The following CEP85L variants were observed in gnomAD, a reference collection of about 807,000 sequenced individuals.
CEP85L encodes centrosomal protein of 85 kDa-like.
Under a neutral mutation model 100.3 loss-of-function variants are expected in CEP85L, and 60 were observed. The observed-to-expected ratio is 0.60, with a 90% CI of 0.49 to 0.74. The LOEUF is 0.74. CEP85L is among the 30% of genes least tolerant of loss of function. The pLI is 0.00. For missense variants in CEP85L, 973 were observed against 936.2 expected, an observed-to-expected ratio of 1.04 and a Z score of -0.51; for synonymous variants, 319 against 322.7, an observed-to-expected ratio of 0.99 and a Z score of 0.12.
intron 1 of CEP85L, among the ~76,000 whole-genome samples, chr6:118,700,602 T>C (rs1777374781): frequency 6.6e-6 from 1 of 152,198 alleles, no homozygotes; most frequent in South Asian, 2.1e-4. Context: ...CATCTTCTGC[T>C]CTTGAATTTG....
intron 2 of CEP85L, among the ~76,000 whole-genome samples, chr6:118,567,008 G>A (rs1779547922): frequency 6.6e-6 from 1 of 151,732 alleles, no homozygotes. Context: ...TCAGAAAAAT[G>A]GTATTTTTCA....
chr6:118,658,761 G>A (rs1306231689), intron 1 of CEP85L, among the ~76,000 whole-genome samples: 3 of 152,012 alleles, frequency 2.0e-5, no homozygotes, highest in Non-Finnish European at 4.4e-5. Flanking sequence ...AATATTTTAA[G>A]TTGACATTTA....
intron 1 of CEP85L, among the ~76,000 whole-genome samples, chr6:118,708,749 G>T (rs945229368): frequency 6.6e-6 from 1 of 152,078 alleles, no homozygotes; most frequent in African/African-American, 2.4e-5. Flanking sequence ...ATTTTTCCTT[G>T]AATAGACTTT....
At chr6:118,639,267 TC>T (rs1381221027) in intron 1 of CEP85L, among the ~76,000 whole-genome samples, 6 of 152,198 alleles carry the variant, frequency 3.9e-5, no homozygotes, top group African/African-American at 1.4e-4. Flanking sequence ...CTGGAATAAC[TC>T]CACTCAAGCC....
chr6:118,652,874 G>A, upstream of CEP85L: 1 of 707,702 alleles, frequency 1.4e-6, no homozygotes, highest in Non-Finnish European at 2.3e-6. Flanking sequence ...TTATTTTAAT[G>A]TGCACTAGCT....
At chr6:118,639,381 C>T (rs1774719386) in intron 1 of CEP85L, among the ~76,000 whole-genome samples, 1 of 152,156 alleles carries the variant, frequency 6.6e-6, no homozygotes. Flanking sequence ...ATTCAAACTC[C>T]TTAAGTTAGG....
intron 6 of CEP85L, among the ~76,000 whole-genome samples, chr6:118,487,314 T>C (rs886270396): frequency 3.3e-5 from 5 of 152,176 alleles, no homozygotes; most frequent in African/African-American, 1.2e-4. Flanking sequence ...TATGGATATA[T>C]AATTAGGCAA....
intron 2 of CEP85L, among the ~76,000 whole-genome samples, chr6:118,603,871 G>A (rs373242082): frequency 1.7e-4 from 26 of 152,316 alleles, no homozygotes; most frequent in African/African-American, 6.0e-4. Flanking sequence ...GACAACAATT[G>A]TCTGTGGATA....
chr6:118,642,093 CAT>C (rs1395724683), intron 1 of CEP85L, among the ~76,000 whole-genome samples: 1 of 151,978 alleles, frequency 6.6e-6, no homozygotes, highest in African/African-American at 2.4e-5. Context: ...ATGATGCATC[CAT>C]ATATCAGAAA....
chr6:118,568,577 GC>G (rs1359352788), intron 2 of CEP85L, among the ~76,000 whole-genome samples: 6 of 152,204 alleles, frequency 3.9e-5, no homozygotes. Context: ...TAAGTAAAGA[GC>G]CTGGCCTTCA....
At chr6:118,505,409 C>CAAAAAA (rs56893664) in intron 5 of CEP85L, among the ~76,000 whole-genome samples, 4,399 of 71,460 alleles carry the variant, frequency 0.062, 734 homozygotes, top group Middle Eastern at 0.12. Flanking sequence ...TCACTGTACT[C>CAAAAAA]AAAAAAAAAA....
At chr6:118,645,765 T>G (rs992969061) in intron 1 of CEP85L, among the ~76,000 whole-genome samples, 1 of 152,260 alleles carries the variant, frequency 6.6e-6, no homozygotes, top group Non-Finnish European at 1.5e-5. Context: ...TTATCTTTCT[T>G]GTTCAATGAT....
chr6:118,548,736 T>C (rs747544695), intron 3 of CEP85L, among the ~76,000 whole-genome samples: 2 of 152,096 alleles, frequency 1.3e-5, no homozygotes, highest in African/African-American at 2.4e-5. Flanking sequence ...TAGTAGTGGT[T>C]AATTTCTCCA....
At chr6:118,652,609 G>T, upstream of CEP85L, 1 of 1,505,868 alleles carries the variant, frequency 6.6e-7, no homozygotes, top group Non-Finnish European at 8.9e-7. Context: ...CCTCATATTT[G>T]CATTTTTCCC....
chr6:118,541,382 G>A (rs1777896595), intron 3 of CEP85L, among the ~76,000 whole-genome samples: 1 of 152,182 alleles, frequency 6.6e-6, no homozygotes, highest in South Asian at 2.1e-4. Flanking sequence ...TCTCAGTAGC[G>A]TAATTAAGTT....
intron 2 of CEP85L, among the ~76,000 whole-genome samples, chr6:118,593,992 G>T (rs911542184): frequency 4.6e-5 from 7 of 152,122 alleles, no homozygotes; most frequent in Non-Finnish European, 7.4e-5. Context: ...ATTTCTGCCA[G>T]GAGTCTTTTC....
chr6:118,637,501 C>T (rs1774572470), intron 1 of CEP85L, among the ~76,000 whole-genome samples: 2 of 150,050 alleles, frequency 1.3e-5, no homozygotes, highest in Non-Finnish European at 1.5e-5. Flanking sequence ...AGTTTAAGAC[C>T]AGCCTGGAAA....
At chr6:118,619,262 T>C (rs1486679436) in intron 2 of CEP85L, among the ~76,000 whole-genome samples, 1 of 152,102 alleles carries the variant, frequency 6.6e-6, no homozygotes, top group Non-Finnish European at 1.5e-5. Flanking sequence ...CGACTGATTG[T>C]CTTCTGTACC....
intron 2 of CEP85L, among the ~76,000 whole-genome samples, chr6:118,595,775 C>A (rs997292566): frequency 3.3e-5 from 5 of 152,148 alleles, no homozygotes; most frequent in African/African-American, 1.2e-4. Context: ...AATAATCAGT[C>A]TTTTAAGAAT....
Sources: gnomAD v4.1 joint callset for allele counts (sites outside exome capture counted in the v4.1 genomes callset) on GRCh38, gnomAD v4.1.1 for gene constraint, MANE v1.5 for transcripts, NCBI Gene and HGNC (gene_info 2026-07-23, HGNC 2026-07-21) for gene names.